The following NAA11 variants were observed in gnomAD, a reference collection of about 807,000 sequenced individuals.
The protein encoded by NAA11 is N-alpha-acetyltransferase 11, NatA catalytic subunit, also known as N-alpha-acetyltransferase 11.
In NAA11, 15 loss-of-function variants were observed where a neutral mutation model predicts 16.1. The ratio of observed to expected loss-of-function variants is 0.93; its 90% CI spans 0.62 to 1.44. The LOEUF is 1.44. Ranked by LOEUF, NAA11 falls within the 40% of genes most tolerant of loss-of-function variation. The pLI is 0.00. For synonymous variants in NAA11, 122 were observed against 112.4 expected (o/e 1.09, Z -0.54); for missense variants, 298 against 291.3 (o/e 1.02, Z -0.17).
the NAA11 span, among the ~76,000 whole-genome samples, chr4:79,160,892 A>G: frequency 6.6e-6 from 1 of 152,120 alleles, no homozygotes; most frequent in Non-Finnish European, 1.5e-5. Flanking sequence ...CAGAATAGGA[A>G]AAAAACACCC....
downstream of NAA11, among the ~76,000 whole-genome samples, chr4:79,225,527 G>C (rs1721289846): frequency 6.6e-6 from 1 of 152,050 alleles, no homozygotes; most frequent in Non-Finnish European, 1.5e-5. Flanking sequence ...GCAGTGGAGA[G>C]AGCATGGCGT....
chr4:79,161,826 G>T, the NAA11 span, among the ~76,000 whole-genome samples: 1 of 152,098 alleles, frequency 6.6e-6, no homozygotes, highest in East Asian at 1.9e-4. Flanking sequence ...GGGACTACTG[G>T]CGCATGCCAC....
the NAA11 span, among the ~76,000 whole-genome samples, chr4:79,215,269 G>A: frequency 6.6e-6 from 1 of 152,176 alleles, no homozygotes; most frequent in African/African-American, 2.4e-5. Context: ...GAGACATTGA[G>A]TGACTTGTTT....
the NAA11 span, among the ~76,000 whole-genome samples, chr4:79,167,097 G>A: frequency 2.1e-5 from 2 of 95,478 alleles, no homozygotes; most frequent in South Asian, 3.7e-4. Flanking sequence ...AAGGGGAAAC[G>A]GAAGGGAAAT....
intron 1 of NAA11, among the ~76,000 whole-genome samples, chr4:79,324,092 G>T (rs1188698760): frequency 2.0e-5 from 3 of 151,796 alleles, no homozygotes; most frequent in East Asian, 1.9e-4. Context: ...ATGGCATAAG[G>T]AACCCCCTAA....
chr4:79,297,862 G>A (rs1723268323), intron 1 of NAA11, among the ~76,000 whole-genome samples: 2 of 152,182 alleles, frequency 1.3e-5, no homozygotes, highest in African/African-American at 4.8e-5. Flanking sequence ...CTTCAGGCTA[G>A]GGAGGGCCTG....
intron 1 of NAA11, among the ~76,000 whole-genome samples, chr4:79,320,770 GA>G (rs1230809243): frequency 6.6e-6 from 1 of 152,128 alleles, no homozygotes; most frequent in Non-Finnish European, 1.5e-5. Context: ...CAAAAGTACA[GA>G]TAGGGAAAAT....
chr4:79,169,281 A>G, the NAA11 span, among the ~76,000 whole-genome samples: 1 of 152,230 alleles, frequency 6.6e-6, no homozygotes, highest in African/African-American at 2.4e-5. Flanking sequence ...GAATAAAAAA[A>G]GAGTTTGTAT....
the NAA11 span, among the ~76,000 whole-genome samples, chr4:79,201,262 A>G: frequency 4.6e-5 from 7 of 151,554 alleles, no homozygotes; most frequent in African/African-American, 1.5e-4. Flanking sequence ...GATTCTCAGG[A>G]GTAGTATTAC....
intron 2 of NAA11, among the ~76,000 whole-genome samples, chr4:79,245,707 TCGCCCCCTC>T: frequency 1.4e-5 from 2 of 146,572 alleles, no homozygotes; most frequent in South Asian, 2.2e-4. Flanking sequence ...CTCTGCCTGT[TCGCCCCCTC>T]TGGGAGGTTG....
chr4:79,233,729 C>T (rs1223583280), intron 2 of NAA11, among the ~76,000 whole-genome samples: 3 of 152,046 alleles, frequency 2.0e-5, no homozygotes, highest in Non-Finnish European at 4.4e-5. Context: ...TTTTCCTGCA[C>T]TCTATTCCCC....
intron 2 of NAA11, among the ~76,000 whole-genome samples, chr4:79,283,810 G>A (rs1722848673): frequency 6.6e-6 from 1 of 152,074 alleles, no homozygotes; most frequent in Non-Finnish European, 1.5e-5. Context: ...AAAAATATCT[G>A]TACTAGAAAA....
chr4:79,250,569 C>T (rs1451453560), intron 2 of NAA11, among the ~76,000 whole-genome samples: 2 of 152,050 alleles, frequency 1.3e-5, no homozygotes, highest in South Asian at 2.1e-4. Context: ...ACATAGGACC[C>T]GGCAAAGATT....
chr4:79,181,069 G>T, the NAA11 span, among the ~76,000 whole-genome samples: 2 of 151,960 alleles, frequency 1.3e-5, no homozygotes, highest in Non-Finnish European at 2.9e-5. Context: ...ATCACACACC[G>T]GGGCGTGTTG....
At chr4:79,201,039 A>G in the NAA11 span, among the ~76,000 whole-genome samples, 8 of 151,590 alleles carry the variant, frequency 5.3e-5, no homozygotes, top group Non-Finnish European at 1.0e-4. Context: ...AGCGTTTTAT[A>G]TTGTGTTTTT....
At chr4:79,163,493 T>C in the NAA11 span, among the ~76,000 whole-genome samples, 1 of 152,190 alleles carries the variant, frequency 6.6e-6, no homozygotes, top group Non-Finnish European at 1.5e-5. Context: ...CATCAATTTC[T>C]TAGCCTGTCA....
chr4:79,294,520 C>G (rs746574348), intron 1 of NAA11, among the ~76,000 whole-genome samples: 1 of 152,116 alleles, frequency 6.6e-6, no homozygotes, highest in Non-Finnish European at 1.5e-5. Flanking sequence ...ATGAACATGT[C>G]TAAATGCAAA....
chr4:79,210,452 A>G, the NAA11 span, among the ~76,000 whole-genome samples: 144 of 152,262 alleles, frequency 9.5e-4, no homozygotes, highest in South Asian at 0.019. Context: ...TTCTGGCTCC[A>G]GGAGACCTTC....
chr4:79,267,622 C>T (rs1722382848), intron 2 of NAA11, among the ~76,000 whole-genome samples: 1 of 152,130 alleles, frequency 6.6e-6, no homozygotes, highest in South Asian at 2.1e-4. Context: ...CTAGATTGAA[C>T]TCTGACAGAA....
Sources: allele counts gnomAD v4.1 joint callset (sites outside exome capture counted in the v4.1 genomes callset), GRCh38; gene constraint gnomAD v4.1.1; transcripts MANE v1.5; gene names NCBI Gene and HGNC (gene_info 2026-07-23, HGNC 2026-07-21).